Variants in TGFBR1 observed in about 807,000 individuals in gnomAD.
TGFBR1 encodes transforming growth factor beta receptor 1.
TGFBR1 carries 20 observed loss-of-function variants against 55.1 expected under a neutral mutation model. The ratio of observed to expected loss-of-function variants is 0.36; its 90% CI spans 0.26 to 0.53. The LOEUF (loss-of-function observed/expected upper bound fraction) is 0.53, where lower values mean the gene tolerates loss of function less well. TGFBR1 is among the 20% of genes least tolerant of loss of function. The pLI, the probability that TGFBR1 is intolerant of heterozygous loss-of-function variation, is 0.91. For missense variants in TGFBR1, 385 were observed against 617.6 expected (o/e 0.62, Z 3.99); for synonymous variants, 220 against 214.8 (o/e 1.02, Z -0.21).
At position 99,142,613 on chromosome 9, in the gene TGFBR1, T is replaced by A. The variant is rs200560562; in HGVS notation, c.883T>A (p.Tyr295Asn). Residue 295 changes from tyrosine to asparagine, a missense_variant, in exon 5 of 9, where the codon TAC (tyrosine) becomes AAC (asparagine). By Grantham distance (143) the Tyr-to-Asn change is moderately radical. Transcript: ENST00000374994. ...HGSLFDYLNR[Y>N]TVTVEGMIKL... ...ATCCCTTTTTGATTACTTAAACAGA[T>A]ACACAGTTACTGTGGAAGGAATGAT... The A allele has an allele frequency of 2.0e-5, 33 of 1,613,986 alleles. No homozygotes were observed. Among genetic ancestry groups the A allele is most frequent in the Non-Finnish European group, 2.6e-5 (31 of 1,179,938 alleles).
rs1827935877 is a variant in TGFBR1 at position 99,150,018 on chromosome 9, T to C, written c.*713T>C. On this transcript the variant is annotated 3_prime_UTR_variant, in exon 9 of 9. Transcript: ENST00000374994. ...CTGAAAGTCTCTATGTTAAAACCTA[T>C]AGTGTTTGAATTCAAAAAGCTTATT... 5.3e-6 allele frequency: 1 copy of C among 187,776 alleles called. No individual in the cohort carries two copies. The highest frequency in any genetic ancestry group is 2.3e-5 in the African/African-American group (1 of 42,828). 11.6% of individuals were successfully genotyped at this position (187,776 alleles called of 1,614,324 possible). A position where few individuals can be genotyped will look rare whatever the true frequency, so the allele number is the denominator to read the frequency against.
chr9:99,148,233 G>T (rs543314178), intron 8 of TGFBR1, among the ~76,000 whole-genome samples: 2 of 152,158 alleles, frequency 1.3e-5, no homozygotes, highest in African/African-American at 4.8e-5. Flanking sequence ...TGATTACAAA[G>T]GTGTTTCAAA....
At chr9:99,137,836 G>A (rs1261097264) in intron 3 of TGFBR1, 23 bp from the exon 4 acceptor site, 1 of 1,581,082 alleles carries the variant, frequency 6.3e-7, no homozygotes. Context: ...ATTGTGTTGA[G>A]TACTATTTAT....
At chr9:99,125,929 C>T (rs1332823362) in intron 1 of TGFBR1, among the ~76,000 whole-genome samples, 2 of 152,046 alleles carry the variant, frequency 1.3e-5, no homozygotes, top group Non-Finnish European at 2.9e-5. Context: ...CAAGCTTGGC[C>T]CTTCCTGAGG....
intron 1 of TGFBR1, among the ~76,000 whole-genome samples, chr9:99,121,222 T>C (rs576145832): frequency 4.3e-4 from 66 of 152,260 alleles, no homozygotes; most frequent in African/African-American, 1.5e-3. Flanking sequence ...TTATGTACAT[T>C]ATATGGTGTT....
At chr9:99,140,321 G>A (rs546032530) in intron 4 of TGFBR1, among the ~76,000 whole-genome samples, 1 of 152,252 alleles carries the variant, frequency 6.6e-6, no homozygotes, top group African/African-American at 2.4e-5. Flanking sequence ...CAGGCATGAT[G>A]GCAGGTGCCT....
At chr9:99,143,117 T>G (rs1260918258) in intron 5 of TGFBR1, among the ~76,000 whole-genome samples, 1 of 152,158 alleles carries the variant, frequency 6.6e-6, no homozygotes, top group Non-Finnish European at 1.5e-5. Flanking sequence ...TTAAAACAAA[T>G]TTTTTAGATG....
At position 99,149,755 on chromosome 9, in the gene TGFBR1, G is replaced by A. The variant is rs1827926647; in HGVS notation, c.*450G>A. On this transcript the variant is annotated 3_prime_UTR_variant, in exon 9 of 9. Coordinates refer to ENST00000374994, the MANE Select transcript of TGFBR1 (RefSeq NM_004612.4). ...GAACCACTAGAGTTTCCTTGATTCA[G>A]ACTTTGAATGTACTGTTCTATAGTT... 4.0e-6 allele frequency: 1 copy of A among 249,266 alleles called. No homozygotes were observed. Among genetic ancestry groups the A allele is most frequent in the South Asian group, 1.1e-4 (1 of 9,220 alleles). The allele number at this position is 249,266 out of a possible 1,614,324, so 15.4% of individuals were successfully genotyped here. A position where few individuals can be genotyped will look rare whatever the true frequency, so the allele number is the denominator to read the frequency against.
At chr9:99,119,884 G>T (rs10988712) in intron 1 of TGFBR1, among the ~76,000 whole-genome samples, 2,416 of 152,260 alleles carry the variant, frequency 0.016, 65 homozygotes, top group African/African-American at 0.055. Flanking sequence ...TTTATATTGT[G>T]TTCTGTGTCA....
In TGFBR1 at chr9:99,129,078, T is replaced by C; in HGVS notation, c.321T>C (p.Asn107=). 1 of 1,613,930 alleles carries C rather than the reference T, an allele frequency of 6.2e-7. No individual in the cohort carries two copies. Residue 107 remains asparagine, a synonymous_variant, in exon 2 of 9, where the codon AAT becomes AAC. Coordinates refer to ENST00000374994, the MANE Select transcript of TGFBR1 (RefSeq NM_004612.4). Reference sequence around the variant, plus strand: ...ATTGCTGCAATCAGGACCATTGCAATAAAATAGAACTTCCAACTACTGGTA... The same window carrying C: ...ATTGCTGCAATCAGGACCATTGCAACAAAATAGAACTTCCAACTACTGGTA... ...TTYCCNQDHC[N]KIELPTTVKS...
intron 1 of TGFBR1, among the ~76,000 whole-genome samples, chr9:99,109,238 A>C (rs1430162713): frequency 6.6e-6 from 1 of 152,108 alleles, no homozygotes; most frequent in Non-Finnish European, 1.5e-5. Flanking sequence ...ATTTTTTTTT[A>C]ATTGCTGATA....
Position 99,128,881 on chromosome 9 carries a change from AC to A in TGFBR1, c.125del (p.Thr42LysfsTer8), listed in dbSNP as rs772089863. 1 of 1,613,910 alleles carries A rather than the reference AC, an allele frequency of 6.2e-7. No homozygotes were observed. The highest frequency in any genetic ancestry group is 1.1e-5 in the South Asian group (1 of 91,086). On this transcript the variant is annotated frameshift_variant, in exon 2 of 9. Coordinates refer to ENST00000374994, the MANE Select transcript of TGFBR1 (RefSeq NM_004612.4). LOFTEE classifies it high-confidence loss of function. ...GTTACAGTGTTTCTGCCACCTCTGTACAAAAGACAATTTTACTTGTGTGACA... is the reference window on the plus strand; with the variant it reads ...GTTACAGTGTTTCTGCCACCTCTGTAAAAAGACAATTTTACTTGTGTGACA... Reference protein sequence around the residue: ...TALQCFCHLCTKDNFTCVTDG... With the variant: ...TALQCFCHLCXKDNFTCVTDG...
At chr9:99,136,657 G>A (rs1299551178) in intron 3 of TGFBR1, among the ~76,000 whole-genome samples, 1 of 152,130 alleles carries the variant, frequency 6.6e-6, no homozygotes, top group Non-Finnish European at 1.5e-5. Flanking sequence ...TACAGGAGGT[G>A]GGGAGGGTAG....
At chr9:99,134,573 A>G (rs1479776357) in intron 3 of TGFBR1, among the ~76,000 whole-genome samples, 1 of 151,904 alleles carries the variant, frequency 6.6e-6, no homozygotes, top group Non-Finnish European at 1.5e-5. Context: ...AGTCACAGAA[A>G]ATCAGGATGG....
intron 3 of TGFBR1, among the ~76,000 whole-genome samples, chr9:99,135,382 T>G (rs144702462): frequency 6.4e-4 from 98 of 152,356 alleles, no homozygotes; most frequent in African/African-American, 2.2e-3. Flanking sequence ...ACTGTGTGTT[T>G]GTAATACTCT....
chr9:99,107,551 C>G (rs967626307), intron 1 of TGFBR1, among the ~76,000 whole-genome samples: 1 of 150,266 alleles, frequency 6.7e-6, no homozygotes, highest in Non-Finnish European at 1.5e-5. Context: ...TGAATGTCTC[C>G]TCCTTTCTTG....
In TGFBR1 at chr9:99,150,161, G is replaced by T; in HGVS notation, c.*856G>T. On this transcript the variant is annotated 3_prime_UTR_variant, in exon 9 of 9. Transcript: ENST00000374994. ...ACCAAAATGTGCTTAAGCCACTAAA[G>T]AAATGAAGTGGCATTAATTAGTAAA... is the stretch of plus-strand genomic sequence containing the variant. 1 of 189,520 alleles carries T rather than the reference G, an allele frequency of 5.3e-6. No individual in the cohort carries two copies. The highest frequency in any genetic ancestry group is 1.1e-5 in the Non-Finnish European group (1 of 90,016). The allele number at this position is 189,520 out of a possible 1,614,324, so 11.7% of individuals were successfully genotyped here. A position where few individuals can be genotyped will look rare whatever the true frequency, so the allele number is the denominator to read the frequency against.
chr9:99,153,662 T>C lies in TGFBR1; in HGVS notation c.*4357T>C. 5.0e-6 allele frequency: 1 copy of C among 198,052 alleles called. No homozygotes were observed. Among genetic ancestry groups the C allele is most frequent in the Non-Finnish European group, 1.0e-5 (1 of 95,244 alleles). The allele number at this position is 198,052 out of a possible 1,614,324, so 12.3% of individuals were successfully genotyped here. A position where few individuals can be genotyped will look rare whatever the true frequency, so the allele number is the denominator to read the frequency against. ...ACATTTTTCCCAAGTGCCAGTGGCA[T>C]ATTTTAAAATAAAGTGTATACGTTG... On this transcript the variant is annotated 3_prime_UTR_variant, in exon 9 of 9. Coordinates refer to ENST00000374994, the MANE Select transcript of TGFBR1 (RefSeq NM_004612.4).
Position 99,144,961 on chromosome 9 carries a change from T to C in TGFBR1, c.1130+73T>C, listed in dbSNP as rs975728237. 53 of 1,531,180 alleles carry C rather than the reference T, an allele frequency of 3.5e-5. No homozygotes were observed. The African/African-American group carries it at 4.8e-4, about 14-fold the overall frequency. The allele number at this position is 1,531,180 out of a possible 1,614,324, so 94.8% of individuals were successfully genotyped here. On this transcript the variant is annotated intron_variant, in intron 6 of 8. Transcript: ENST00000374994. ...TTCCCTTCTCTTTCATATATACATA[T>C]CATTGCTGAAACTCAGCTTAAACTT... is the stretch of plus-strand genomic sequence containing the variant.
Sources: allele counts gnomAD v4.1 joint callset (sites outside exome capture counted in the v4.1 genomes callset), GRCh38; gene constraint gnomAD v4.1.1; transcripts MANE v1.5; gene names NCBI Gene and HGNC (gene_info 2026-07-23, HGNC 2026-07-21).